Variants in CSMD1 observed in about 807,000 individuals in gnomAD.
CSMD1 encodes the protein CUB and sushi domain-containing protein 1.
A neutral mutation model predicts 417.5 loss-of-function variants in CSMD1; 213 were observed. The ratio of observed to expected loss-of-function variants is 0.51; its 90% CI spans 0.46 to 0.57. CSMD1 has a LOEUF of 0.57. Among genes scored for constraint, CSMD1 ranks in the 20% least tolerant of loss-of-function variants. The probability of loss-of-function intolerance (pLI) is 0.00; values close to 1 mark genes in which losing one functional copy is unlikely to be tolerated. For synonymous variants in CSMD1, 2,862 were observed against 1,736.8 expected, an observed-to-expected ratio of 1.65 and a Z score of -16.11; for missense variants, 6,923 against 4,529.7, an observed-to-expected ratio of 1.53 and a Z score of -15.17.
intron 26 of CSMD1, among the ~76,000 whole-genome samples, chr8:3,262,970 C>G (rs1051612728): frequency 6.6e-6 from 1 of 152,144 alleles, no homozygotes; most frequent in Non-Finnish European, 1.5e-5. Context: ...ACGTAATATT[C>G]AAGAAGTATT....
At chr8:4,139,979 C>A (rs573448917) in intron 3 of CSMD1, among the ~76,000 whole-genome samples, 1 of 149,388 alleles carries the variant, frequency 6.7e-6, no homozygotes, top group Middle Eastern at 3.2e-3. Flanking sequence ...TTTATGTGGG[C>A]AGGGGTTGCA....
At chr8:4,514,163 C>A (rs1303651129) in intron 2 of CSMD1, among the ~76,000 whole-genome samples, 1 of 152,120 alleles carries the variant, frequency 6.6e-6, no homozygotes, top group Non-Finnish European at 1.5e-5. Flanking sequence ...AGCTCTCTTC[C>A]TGGCTTGCAA....
At chr8:3,967,866 C>G (rs1048352988) in intron 5 of CSMD1, among the ~76,000 whole-genome samples, 1 of 151,962 alleles carries the variant, frequency 6.6e-6, no homozygotes, top group Non-Finnish European at 1.5e-5. Context: ...CCCTTGCTCG[C>G]TTAAGAATGT....
At chr8:4,623,732 T>C (rs1163767535) in intron 2 of CSMD1, among the ~76,000 whole-genome samples, 1 of 151,808 alleles carries the variant, frequency 6.6e-6, no homozygotes, top group African/African-American at 2.4e-5. Flanking sequence ...CATATACAGA[T>C]GTGTGTGTGT....
At chr8:4,076,558 A>G (rs1239167156) in intron 3 of CSMD1, among the ~76,000 whole-genome samples, 7 of 152,240 alleles carry the variant, frequency 4.6e-5, no homozygotes, top group Non-Finnish European at 7.3e-5. Flanking sequence ...CAAATAGCTA[A>G]AAGAAAATGA....
intron 3 of CSMD1, among the ~76,000 whole-genome samples, chr8:4,301,400 T>C (rs1797973779): frequency 6.6e-6 from 1 of 152,164 alleles, no homozygotes; most frequent in African/African-American, 2.4e-5. Flanking sequence ...TTCTGTTGTG[T>C]CTCCAGGATG....
chr8:4,854,428 AACAGCTCCGGTCT>A, intron 1 of CSMD1, among the ~76,000 whole-genome samples: 1 of 152,248 alleles, frequency 6.6e-6, no homozygotes, highest in South Asian at 2.1e-4. Context: ...GCCGAATAGG[AACAGCTCCGGTCT>A]ACAGCTCCCA....
At chr8:3,409,650 G>C (rs766529242) in intron 12 of CSMD1, 45 bp from the exon 13 acceptor site, 2 of 1,444,192 alleles carry the variant, frequency 1.4e-6, no homozygotes, top group Non-Finnish European at 1.9e-6. Context: ...ACACACACAA[G>C]GAATATTTTT....
intron 8 of CSMD1, among the ~76,000 whole-genome samples, chr8:3,590,351 T>C (rs565144039): frequency 8.5e-5 from 13 of 152,300 alleles, no homozygotes; most frequent in African/African-American, 2.9e-4. Context: ...CTGTTTCTAT[T>C]AGACCGTTCC....
chr8:3,333,213 C>T lies in CSMD1; in HGVS notation c.3631+10081G>A, dbSNP rs182067604. ...CAGCCCAGCCAACACCTGGTCACGT[C>T]CTTGTGAGACCCTGAGAGAAGACCC... On this transcript the variant is annotated intron_variant, in intron 23 of 69. Coordinates refer to ENST00000635120, the MANE Select transcript of CSMD1 (RefSeq NM_033225.6). Among the ~76,000 whole-genome samples the T allele has an allele frequency of 4.6e-5, 7 of 152,276 alleles. No homozygotes were observed. The East Asian group carries it at 1.4e-3, about 29-fold the overall frequency.
At chr8:4,110,357 T>C (rs116066246) in intron 3 of CSMD1, among the ~76,000 whole-genome samples, 36 of 152,268 alleles carry the variant, frequency 2.4e-4, no homozygotes, top group African/African-American at 7.7e-4. Context: ...CCTATGGATA[T>C]GTATGTTTTT....
At chr8:4,675,480 G>C (rs753216047) in intron 1 of CSMD1, among the ~76,000 whole-genome samples, 2 of 152,124 alleles carry the variant, frequency 1.3e-5, no homozygotes, top group African/African-American at 2.4e-5. Context: ...ACAATACACG[G>C]ATAACAAGTC....
intron 1 of CSMD1, among the ~76,000 whole-genome samples, chr8:4,877,307 C>A (rs1451774268): frequency 6.6e-6 from 1 of 151,860 alleles, no homozygotes; most frequent in Admixed American, 6.6e-5. Context: ...AGATTGGCTG[C>A]ATTTAAAAAT....
intron 3 of CSMD1, among the ~76,000 whole-genome samples, chr8:4,315,687 A>T (rs936110423): frequency 6.6e-6 from 1 of 152,294 alleles, no homozygotes; most frequent in East Asian, 1.9e-4. Context: ...TGATTATAAA[A>T]TAGCCATTGA....
At chr8:3,129,643 C>A (rs1196384569) in intron 41 of CSMD1, among the ~76,000 whole-genome samples, 3 of 150,614 alleles carry the variant, frequency 2.0e-5, no homozygotes, top group African/African-American at 7.3e-5. Context: ...GGCATGGTGA[C>A]ACACACCTGT....
chr8:4,757,959 CAAA>C (rs35869578), intron 1 of CSMD1, among the ~76,000 whole-genome samples: 6 of 72,040 alleles, frequency 8.3e-5, no homozygotes, highest in Admixed American at 1.6e-4. Context: ...GACTTTGTCT[CAAA>C]AAAAAAAAAA....
intron 2 of CSMD1, among the ~76,000 whole-genome samples, chr8:4,487,490 T>A (rs184282061): frequency 6.0e-4 from 91 of 152,318 alleles, no homozygotes; most frequent in Non-Finnish European, 1.1e-3. Flanking sequence ...ACAAAGGACA[T>A]GAAGTCATCA....
chr8:4,439,402 C>T (rs896260199), intron 2 of CSMD1, among the ~76,000 whole-genome samples: 3 of 152,002 alleles, frequency 2.0e-5, no homozygotes, highest in African/African-American at 2.4e-5. Context: ...ATTTCACGTA[C>T]GTTTATTACT....
intron 26 of CSMD1, among the ~76,000 whole-genome samples, chr8:3,260,049 G>A (rs1307083918): frequency 6.6e-6 from 1 of 151,976 alleles, no homozygotes; most frequent in Non-Finnish European, 1.5e-5. Flanking sequence ...CTCCTCCCCG[G>A]TACAGAACTA....
Sources: allele counts gnomAD v4.1 joint callset (sites outside exome capture counted in the v4.1 genomes callset), GRCh38; gene constraint gnomAD v4.1.1; transcripts MANE v1.5; gene names NCBI Gene and HGNC (gene_info 2026-07-23, HGNC 2026-07-21).